The following LRRC28 variants were observed in gnomAD, a reference collection of about 807,000 sequenced individuals.
The protein encoded by LRRC28 is leucine-rich repeat-containing protein 28.
Under a neutral mutation model 45.7 loss-of-function variants are expected in LRRC28, and 39 were observed. The observed-to-expected ratio is 0.85, with a 90% CI of 0.66 to 1.12. The LOEUF (loss-of-function observed/expected upper bound fraction) is 1.12. Among genes scored for constraint, LRRC28 ranks in the 50% most tolerant of loss-of-function variants. LRRC28 has a pLI of 0.00. For synonymous variants in LRRC28, 206 were observed against 178.8 expected (o/e 1.15, Z -1.22); for missense variants, 435 against 438.5 (o/e 0.99, Z 0.07).
At chr15:99,356,153 T>A (rs1957041823) in intron 7 of LRRC28, among the ~76,000 whole-genome samples, 1 of 152,192 alleles carries the variant, frequency 6.6e-6, no homozygotes, top group East Asian at 1.9e-4. Flanking sequence ...GTCTCTACAA[T>A]ATAACTTTCA....
intron 1 of LRRC28, among the ~76,000 whole-genome samples, chr15:99,254,992 A>T (rs2080973015): frequency 6.6e-6 from 1 of 152,164 alleles, no homozygotes; most frequent in African/African-American, 2.4e-5. Flanking sequence ...TCTTTCATTG[A>T]AATAATTTAA....
chr15:99,302,002 T>A (rs944892452), intron 5 of LRRC28, among the ~76,000 whole-genome samples: 2 of 151,660 alleles, frequency 1.3e-5, no homozygotes, highest in Admixed American at 1.3e-4. Flanking sequence ...ACAATGTCAA[T>A]AATTTTGTTC....
At chr15:99,257,602 G>A (rs961968595) in intron 2 of LRRC28, 4 of 642,842 alleles carry the variant, frequency 6.2e-6, no homozygotes, top group African/African-American at 1.8e-5. Flanking sequence ...GCGATCGAAA[G>A]GGACTTGAGA....
intron 9 of LRRC28, among the ~76,000 whole-genome samples, chr15:99,379,679 G>A (rs1488510110): frequency 6.6e-6 from 1 of 152,174 alleles, no homozygotes; most frequent in Non-Finnish European, 1.5e-5. Flanking sequence ...TGGGCATTTA[G>A]TGCTATAAAT....
intron 9 of LRRC28, among the ~76,000 whole-genome samples, chr15:99,376,370 A>G (rs866291281): frequency 6.6e-6 from 1 of 152,110 alleles, no homozygotes; most frequent in South Asian, 2.1e-4. Context: ...CTTGCTTTAA[A>G]CTTAAATTGT....
intron 6 of LRRC28, among the ~76,000 whole-genome samples, chr15:99,341,070 C>G (rs971285355): frequency 6.8e-6 from 1 of 148,148 alleles, no homozygotes; most frequent in South Asian, 2.1e-4. Context: ...CTCATCTGAT[C>G]CTATTCTACT....
intron 9 of LRRC28, among the ~76,000 whole-genome samples, chr15:99,367,188 G>A (rs1347230777): frequency 6.6e-6 from 1 of 152,168 alleles, no homozygotes; most frequent in Non-Finnish European, 1.5e-5. Context: ...ATAAAATCAG[G>A]GTTCCCAATA....
At chr15:99,347,509 A>T (rs556180018) in intron 6 of LRRC28, among the ~76,000 whole-genome samples, 2 of 152,118 alleles carry the variant, frequency 1.3e-5, no homozygotes, top group South Asian at 4.2e-4. Context: ...TTAAAAAAAT[A>T]CTCTGTATAT....
chr15:99,384,529 T>C (rs925659051), intron 9 of LRRC28: 1 of 152,342 alleles, frequency 6.6e-6, no homozygotes, highest in South Asian at 2.1e-4. Context: ...AACTTTCTGA[T>C]TCTCTGTCCA....
chr15:99,289,939 C>CAAAAAAAAAAAAAAAA (rs398028517), intron 5 of LRRC28, among the ~76,000 whole-genome samples: 2 of 49,736 alleles, frequency 4.0e-5, no homozygotes, highest in East Asian at 9.9e-4. Context: ...GACTCCGTCT[C>CAAAAAAAAAAAAAAAA]AAAAAAAAAA....
In LRRC28 at chr15:99,334,112, T is replaced by G; in HGVS notation, c.575T>G (p.Leu192Arg). Reference sequence around the variant, plus strand: ...GAGCTCTCCATGGCTGGAAACCGTCTTGCATTTTTGCCACTTGGTAAGTGA... The same window carrying G: ...GAGCTCTCCATGGCTGGAAACCGTCGTGCATTTTTGCCACTTGGTAAGTGA... ...LNELSMAGNR[L>R]AFLPLDLGRS... The change falls in exon 6 of 10, where the codon CTT becomes CGT. Residue 192 changes from leucine (L) to arginine (R), a missense_variant. Transcript: ENST00000301981. 6.2e-7 allele frequency: 1 copy of G among 1,614,138 alleles called. No homozygotes were observed. Among genetic ancestry groups the G allele is most frequent in the Non-Finnish European group, 8.5e-7 (1 of 1,179,980 alleles).
At chr15:99,333,538 G>T (rs1956223271) in intron 5 of LRRC28, 3 of 202,644 alleles carry the variant, frequency 1.5e-5, no homozygotes. Context: ...TAGATGGATG[G>T]TAAAATCACA....
chr15:99,335,864 T>C (rs1024302664), intron 6 of LRRC28, among the ~76,000 whole-genome samples: 1 of 151,976 alleles, frequency 6.6e-6, no homozygotes, highest in Non-Finnish European at 1.5e-5. Flanking sequence ...GGGAGGGAGA[T>C]AAAGGATGTG....
At chr15:99,270,693 G>A (rs1177044312) in intron 2 of LRRC28, among the ~76,000 whole-genome samples, 4 of 152,004 alleles carry the variant, frequency 2.6e-5, no homozygotes, top group African/African-American at 9.7e-5. Flanking sequence ...TGGACATTTG[G>A]GCTATTTCCA....
At chr15:99,324,330 G>T (rs1955898255) in intron 5 of LRRC28, among the ~76,000 whole-genome samples, 2 of 152,176 alleles carry the variant, frequency 1.3e-5, no homozygotes, top group Non-Finnish European at 2.9e-5. Flanking sequence ...GACTGCAGTT[G>T]ACTGTGGGTA....
At chr15:99,281,905 G>A (rs12595099) in intron 3 of LRRC28, among the ~76,000 whole-genome samples, 14,573 of 152,136 alleles carry the variant, frequency 0.096, 989 homozygotes, top group East Asian at 0.32. Flanking sequence ...AGCTTTGCAG[G>A]CTGTTCAGCT....
Position 99,253,287 on chromosome 15 carries a change from A to AT in LRRC28, c.-61+1751dup, listed in dbSNP as rs567289906. On this transcript the variant is annotated intron_variant, in intron 1 of 9. Coordinates refer to ENST00000301981, the MANE Select transcript of LRRC28 (RefSeq NM_144598.5). ...AGGCGCCCGCCACCAAACCCAGCTA[A>AT]TTTTTGTATTTTTAGTAGAGATGGG... Among the ~76,000 whole-genome samples the AT allele has an allele frequency of 3.3e-5, 5 of 152,186 alleles. No homozygotes were observed. The South Asian group carries it at 1.0e-3, about 32-fold the overall frequency.
intron 5 of LRRC28, among the ~76,000 whole-genome samples, chr15:99,301,301 C>T (rs927377033): frequency 6.6e-6 from 1 of 152,080 alleles, no homozygotes; most frequent in Non-Finnish European, 1.5e-5. Context: ...TCTTTTGAGA[C>T]TCTTAATAAA....
At chr15:99,310,819 G>A (rs190387945) in intron 5 of LRRC28, among the ~76,000 whole-genome samples, 16 of 152,304 alleles carry the variant, frequency 1.1e-4, no homozygotes, top group Admixed American at 8.5e-4. Flanking sequence ...GGTGTTTCAC[G>A]CAATACGGCT....
Sources: gnomAD v4.1 joint callset for allele counts (sites outside exome capture counted in the v4.1 genomes callset) on GRCh38, gnomAD v4.1.1 for gene constraint, MANE v1.5 for transcripts, NCBI Gene and HGNC (gene_info 2026-07-23, HGNC 2026-07-21) for gene names.